Variants in NOTCH2 observed in about 807,000 individuals in gnomAD.
NOTCH2 encodes neurogenic locus notch homolog protein 2.
In NOTCH2, 29 loss-of-function variants were observed where a neutral mutation model predicts 235.8. The observed-to-expected ratio is 0.12, with a 90% CI of 0.09 to 0.17. The LOEUF (loss-of-function observed/expected upper bound fraction) is 0.17, where lower values mean the gene tolerates loss of function less well. Among genes scored for constraint, NOTCH2 ranks in the 10% least tolerant of loss-of-function variants. The pLI is 1.00. For missense variants in NOTCH2, 2,285 were observed against 3,150.2 expected, an observed-to-expected ratio of 0.73 and a Z score of 6.57; for synonymous variants, 1,086 against 1,141.5, an observed-to-expected ratio of 0.95 and a Z score of 0.98.
chr1:119,953,478 G>A, intron 14 of NOTCH2, 65 bp downstream of exon 14: 2 of 1,535,432 alleles, frequency 1.3e-6, no homozygotes, highest in Non-Finnish European at 1.8e-6. Flanking sequence ...TAAGAAGTGA[G>A]TCAAGCAGTA....
At chr1:119,971,628 T>G (rs1651364012) in intron 5 of NOTCH2, among the ~76,000 whole-genome samples, 1 of 152,074 alleles carries the variant, frequency 6.6e-6, no homozygotes, top group African/African-American at 2.4e-5. Flanking sequence ...GAGACCAGCC[T>G]GCAGGCACTA....
chr1:119,941,755 C>T lies in NOTCH2; in HGVS notation c.2753-1G>A. 3.1e-6 allele frequency: 5 copies of T among 1,609,306 alleles called. No homozygotes were observed. The highest frequency in any genetic ancestry group is 4.3e-6 in the Non-Finnish European group (5 of 1,175,742). On this transcript the variant is annotated splice_acceptor_variant, in intron 17 of 33. Transcript: ENST00000256646. LOFTEE classifies it high-confidence loss of function. Reference sequence around the variant, plus strand: ...CAGGAACCTCCATTCTGGCAAGGATCTAAGCCATTACAAAAGAATTAGACC... The same window carrying T: ...CAGGAACCTCCATTCTGGCAAGGATTTAAGCCATTACAAAAGAATTAGACC...
At position 119,914,493 on chromosome 1, in the gene NOTCH2, C is replaced by T. The variant is rs747088646; in HGVS notation, c.*813G>A. Reference sequence around the variant, plus strand: ...CTTCCTGGTAAAGTTTATATGAAGACCTGCACACAGACAAGAAAAATTAAG... The same window carrying T: ...CTTCCTGGTAAAGTTTATATGAAGATCTGCACACAGACAAGAAAAATTAAG... On this transcript the variant is annotated 3_prime_UTR_variant, in exon 34 of 34. Transcript: ENST00000256646. 2 of 233,274 alleles carry T rather than the reference C, an allele frequency of 8.6e-6. No homozygotes were observed. The highest frequency in any genetic ancestry group is 6.0e-5 in the East Asian group (1 of 16,604). The allele number at this position is 233,274 out of a possible 1,614,324, so 14.5% of individuals were successfully genotyped here. A position where few individuals can be genotyped will look rare whatever the true frequency, so the allele number is the denominator to read the frequency against.
intron 1 of NOTCH2, among the ~76,000 whole-genome samples, chr1:120,046,045 G>A (rs1343291724): frequency 6.6e-6 from 1 of 151,490 alleles, no homozygotes; most frequent in East Asian, 1.9e-4. Context: ...TTTACTTGAG[G>A]AAGCGTTCAT....
At chr1:119,985,931 A>C (rs1652003884) in intron 5 of NOTCH2, among the ~76,000 whole-genome samples, 1 of 152,216 alleles carries the variant, frequency 6.6e-6, no homozygotes, top group African/African-American at 2.4e-5. Flanking sequence ...CAGTTTGGGA[A>C]TTAAAAGCAG....
chr1:119,940,787 G>A, intron 18 of NOTCH2, 31 bp from the exon 19 acceptor site: 1 of 1,583,490 alleles, frequency 6.3e-7, no homozygotes. Context: ...CATCAGCTAT[G>A]TATCTGGTGC....
chr1:119,970,168 T>A (rs1177760344), intron 5 of NOTCH2, among the ~76,000 whole-genome samples: 1 of 152,130 alleles, frequency 6.6e-6, no homozygotes, highest in Non-Finnish European at 1.5e-5. Context: ...CTTGACTGTA[T>A]CAACGTCAAT....
Position 119,969,698 on chromosome 1 carries a change from A to G in NOTCH2, c.921T>C (p.Asn307=), listed in dbSNP as rs1553200147. The change falls in exon 6 of 34, where the codon AAT becomes AAC. Residue 307 remains asparagine, a synonymous_variant. Coordinates refer to ENST00000256646, the MANE Select transcript of NOTCH2 (RefSeq NM_024408.4). The part of the protein sequence containing the change: ...EDVDECLLQP[N]ACQNGGTCAN... ...CACAGGTGCCCCCATTTTGACAGGC[A>G]TTGGGCTGCAGCAGGCATTCATCCA... is the stretch of plus-strand genomic sequence containing the variant. 9.9e-6 allele frequency: 16 copies of G among 1,614,136 alleles called. No homozygotes were observed. The highest frequency in any genetic ancestry group is 2.2e-5 in the East Asian group (1 of 44,874).
intron 5 of NOTCH2, among the ~76,000 whole-genome samples, chr1:119,980,756 T>C (rs1292600810): frequency 6.6e-6 from 1 of 152,158 alleles, no homozygotes; most frequent in Non-Finnish European, 1.5e-5. Flanking sequence ...AGGCTGATAG[T>C]CTCTTAGGCA....
At chr1:119,958,866 G>T (rs1330471856) in intron 12 of NOTCH2, among the ~76,000 whole-genome samples, 1 of 152,046 alleles carries the variant, frequency 6.6e-6, no homozygotes, top group African/African-American at 2.4e-5. Context: ...TGGGCAGAAA[G>T]ATCTCTCTCA....
rs764694172 is a variant in NOTCH2 at position 119,917,708 on chromosome 1, A to G, written c.5984T>C (p.Leu1995Ser). 5 of 1,613,974 alleles carry G rather than the reference A, an allele frequency of 3.1e-6. No individual in the cohort carries two copies. In the Middle Eastern group the frequency reaches 6.6e-4, roughly 213 times the overall value. ...TCGGTTGGCCCCATTTTTCAACAACAAAAGAGTTGCCTCCACATTATTGAC... is the reference window on the plus strand; with the variant it reads ...TCGGTTGGCCCCATTTTTCAACAACGAAAGAGTTGCCTCCACATTATTGAC... ...AAVNNVEATLLLLKNGANRDM... is the reference protein window; with the variant it reads ...AAVNNVEATLSLLKNGANRDM... Residue 1995 changes from leucine (L) to serine (S), a missense_variant, in exon 33 of 34, where the codon TTG becomes TCG. Physicochemically the swap from Leu to Ser is moderately radical, Grantham distance 145. Transcript: ENST00000256646.
chr1:120,011,446 C>T lies in NOTCH2; in HGVS notation c.156-5858G>A, dbSNP rs1486044024. ...TTTTTTCCAGGATTCAATGGTTTGG[C>T]GTATTCCTCAGTATAGGGTTATTTC... On this transcript the variant is annotated intron_variant, in intron 2 of 33. Coordinates refer to ENST00000256646, the MANE Select transcript of NOTCH2 (RefSeq NM_024408.4). 5.3e-5 allele frequency among the ~76,000 whole-genome samples: 8 copies of T among 152,260 alleles called. No individual in the cohort carries two copies. In the East Asian group the frequency reaches 7.7e-4, roughly 15 times the overall value.
In NOTCH2 at chr1:119,997,079, C is replaced by T. The variant is rs1344721965; in HGVS notation, c.669G>A (p.Val223=). The change falls in exon 4 of 34, where the codon GTG becomes GTA. Residue 223 remains valine (V), a synonymous_variant. Transcript: ENST00000256646. The part of the protein sequence containing the change: ...FTGQYCDSLY[V]PCAPSPCVNG... ...TGACACAAGGTGAGGGTGCACAGGGCACATACAGGCTGTCACAGTACTGGC... is the reference window on the plus strand; with the variant it reads ...TGACACAAGGTGAGGGTGCACAGGGTACATACAGGCTGTCACAGTACTGGC... The T allele has an allele frequency of 6.2e-7, 1 of 1,613,894 alleles. No individual in the cohort carries two copies. The highest frequency in any genetic ancestry group is 1.1e-5 in the South Asian group (1 of 91,082).
chr1:119,985,020 G>A (rs1045611806), intron 5 of NOTCH2, among the ~76,000 whole-genome samples: 2 of 152,168 alleles, frequency 1.3e-5, no homozygotes, highest in Non-Finnish European at 2.9e-5. Context: ...AGGATGTGAA[G>A]CACTATGCAG....
chr1:119,953,229 T>C (rs1650551216), intron 14 of NOTCH2, among the ~76,000 whole-genome samples: 1 of 151,834 alleles, frequency 6.6e-6, no homozygotes. Context: ...GAGAATGGCT[T>C]GAACCCGGGA....
intron 1 of NOTCH2, among the ~76,000 whole-genome samples, chr1:120,041,208 GT>G (rs1230395069): frequency 7.8e-6 from 1 of 128,622 alleles, no homozygotes; most frequent in African/African-American, 3.6e-5. Flanking sequence ...AAATAATAAT[GT>G]GTACTTAATG....
At chr1:119,956,675 G>A (rs1191879098) in intron 12 of NOTCH2, among the ~76,000 whole-genome samples, 1 of 152,172 alleles carries the variant, frequency 6.6e-6, no homozygotes, top group East Asian at 1.9e-4. Context: ...GTTAGCCTCG[G>A]CCCGTAATAT....
At chr1:120,060,435 T>G (rs2101423535) in intron 1 of NOTCH2, among the ~76,000 whole-genome samples, 1 of 148,298 alleles carries the variant, frequency 6.7e-6, no homozygotes, top group East Asian at 2.0e-4. Flanking sequence ...TATATGTAGA[T>G]CTGTTCATAA....
rs1182344999 is a variant in NOTCH2, at chr1:120,069,193, T to G, written c.73+141A>C. The G allele has an allele frequency of 2.6e-6, 4 of 1,528,094 alleles. 1 individual carries two copies. Among genetic ancestry groups the G allele is most frequent in the Non-Finnish European group, 3.5e-6 (4 of 1,143,110 alleles). The allele number at this position is 1,528,094 out of a possible 1,614,324, so 94.7% of individuals were successfully genotyped here. On this transcript the variant is annotated intron_variant, in intron 1 of 33. Coordinates refer to ENST00000256646, the MANE Select transcript of NOTCH2 (RefSeq NM_024408.4). ...GGGGCCCCCGGCGATGTCCAAACTC[T>G]TGGGAACCCAGCGAGTGGCCTCGCT...
Sources: gnomAD v4.1 joint callset for allele counts (sites outside exome capture counted in the v4.1 genomes callset) on GRCh38, gnomAD v4.1.1 for gene constraint, MANE v1.5 for transcripts, NCBI Gene and HGNC (gene_info 2026-07-23, HGNC 2026-07-21) for gene names.